ITK: variants seen among roughly 807,000 people sequenced by gnomAD.
The protein encoded by ITK is IL2 inducible T cell kinase.
In ITK, 45 loss-of-function variants were observed where a neutral mutation model predicts 87.6. The observed-to-expected ratio is 0.51, with a 90% CI of 0.40 to 0.66. ITK has a LOEUF of 0.66. Ranked by LOEUF, ITK falls within the 30% of genes least tolerant of loss-of-function variation. The probability of loss-of-function intolerance (pLI) is 0.00; values close to 1 mark genes in which losing one functional copy is unlikely to be tolerated. For synonymous variants in ITK, 303 were observed against 273.6 expected, an observed-to-expected ratio of 1.11 and a Z score of -1.06; for missense variants, 605 against 766.3, an observed-to-expected ratio of 0.79 and a Z score of 2.48.
At chr5:157,234,951 T>C (rs752714726) in intron 8 of ITK, among the ~76,000 whole-genome samples, 1 of 152,120 alleles carries the variant, frequency 6.6e-6, no homozygotes, top group Non-Finnish European at 1.5e-5. Flanking sequence ...AAAAAAGAGA[T>C]GAATTGATTC....
At chr5:157,230,012 A>G (rs1002429161) in intron 7 of ITK, among the ~76,000 whole-genome samples, 1 of 152,220 alleles carries the variant, frequency 6.6e-6, no homozygotes, top group African/African-American at 2.4e-5. Flanking sequence ...ATTTTTTGTT[A>G]TAATATACAT....
chr5:157,212,474 A>G (rs371491067), intron 3 of ITK, among the ~76,000 whole-genome samples: 1 of 152,230 alleles, frequency 6.6e-6, no homozygotes, highest in Non-Finnish European at 1.5e-5. Context: ...TGAATGGGGA[A>G]GTGCTCTCCG....
chr5:157,186,976 G>A (rs1036747543), intron 1 of ITK, among the ~76,000 whole-genome samples: 4 of 152,176 alleles, frequency 2.6e-5, no homozygotes, highest in Non-Finnish European at 5.9e-5. Context: ...TTGCCCTAAC[G>A]ATGGACACCA....
intron 13 of ITK, chr5:157,245,150 A>G (rs1235921303): frequency 1.7e-5 from 3 of 173,958 alleles, no homozygotes; most frequent in Non-Finnish European, 3.7e-5. Context: ...ACTTGAACCC[A>G]GGAGGCAGAG....
intron 1 of ITK, among the ~76,000 whole-genome samples, chr5:157,206,271 G>A (rs1271731632): frequency 6.6e-6 from 1 of 152,086 alleles, no homozygotes; most frequent in African/African-American, 2.4e-5. Flanking sequence ...GCTTTTCGAT[G>A]TGCTGCTGGA....
intron 4 of ITK, among the ~76,000 whole-genome samples, chr5:157,216,364 G>T (rs1231124252): frequency 6.6e-6 from 1 of 152,196 alleles, no homozygotes; most frequent in Non-Finnish European, 1.5e-5. Context: ...ATAATAGATA[G>T]CTATGTGTAA....
intron 4 of ITK, 38 bp downstream of exon 4, chr5:157,214,357 G>T (rs369155072): frequency 4.4e-6 from 7 of 1,586,592 alleles, no homozygotes; most frequent in Non-Finnish European, 6.1e-6. Context: ...TTTGTGAAAT[G>T]ACCATAAAAA....
intron 6 of ITK, among the ~76,000 whole-genome samples, chr5:157,227,064 C>A (rs1754546678): frequency 6.6e-6 from 1 of 152,184 alleles, no homozygotes; most frequent in South Asian, 2.1e-4. Flanking sequence ...AAGTGATCCA[C>A]CCACCTCAGC....
chr5:157,248,286 G>A (rs1161275957), intron 15 of ITK, among the ~76,000 whole-genome samples: 3 of 152,150 alleles, frequency 2.0e-5, no homozygotes, highest in African/African-American at 7.2e-5. Context: ...GGCAGAAGAG[G>A]AAAAGAAAGG....
intron 1 of ITK, among the ~76,000 whole-genome samples, chr5:157,184,926 G>A (rs1561644959): frequency 6.6e-6 from 1 of 152,138 alleles, no homozygotes; most frequent in Non-Finnish European, 1.5e-5. Context: ...TCATTTACAT[G>A]GAACAAGAGA....
rs187570925 is a variant in ITK, at chr5:157,242,764, T to C, written c.1061-859T>C. Among the ~76,000 whole-genome samples, 311 of 152,318 alleles carry C rather than the reference T, an allele frequency of 2.0e-3. 1 individual carries two copies. The highest frequency in any genetic ancestry group is 3.5e-3 in the Admixed American group (53 of 15,288). ...ATGAGCCACTGTGCCCAGCTGAGTCTACATTTTAAACAAGCATGCTAGGTG... is the reference window on the plus strand; with the variant it reads ...ATGAGCCACTGTGCCCAGCTGAGTCCACATTTTAAACAAGCATGCTAGGTG... On this transcript the variant is annotated intron_variant, in intron 11 of 16. Coordinates refer to ENST00000422843, the MANE Select transcript of ITK (RefSeq NM_005546.4).
At position 157,180,855 on chromosome 5, in the gene ITK, T is replaced by C; in HGVS notation, c.-123T>C. 1.1e-6 allele frequency: 1 copy of C among 877,168 alleles called. No homozygotes were observed. Among genetic ancestry groups the C allele is most frequent in the Non-Finnish European group, 1.9e-6 (1 of 537,178 alleles). The allele number at this position is 877,168 out of a possible 1,614,324, so 54.3% of individuals were successfully genotyped here. ...ATAGAAAGATAACGTTGAAGGCAAG[T>C]TGCCCTTGAGCAGCTCTCTGAAGAT... On this transcript the variant is annotated 5_prime_UTR_variant, in exon 1 of 17. Coordinates refer to ENST00000422843, the MANE Select transcript of ITK (RefSeq NM_005546.4).
intron 1 of ITK, among the ~76,000 whole-genome samples, chr5:157,194,794 G>A (rs1341399892): frequency 6.6e-6 from 1 of 152,048 alleles, no homozygotes; most frequent in East Asian, 1.9e-4. Flanking sequence ...TTGTTTATGT[G>A]GAAAAAATAA....
At chr5:157,246,037 G>A in intron 15 of ITK, 38 bp downstream of exon 15, 1 of 1,376,468 alleles carries the variant, frequency 7.3e-7, no homozygotes, top group Middle Eastern at 2.0e-4. Context: ...CCATGATCTG[G>A]GCTTCAGGCC....
intron 15 of ITK, among the ~76,000 whole-genome samples, chr5:157,246,393 G>C (rs1191306426): frequency 6.6e-6 from 1 of 152,164 alleles, no homozygotes; most frequent in African/African-American, 2.4e-5. Flanking sequence ...ACAATTAACT[G>C]ATCATCTATT....
At chr5:157,238,944 C>T (rs548084480) in intron 9 of ITK, among the ~76,000 whole-genome samples, 6 of 152,220 alleles carry the variant, frequency 3.9e-5, no homozygotes, top group African/African-American at 9.6e-5. Flanking sequence ...AAGGTGTCTT[C>T]GGAAAATTTT....
rs1199876568 is a variant in ITK at position 157,244,335 on chromosome 5, G to A, written c.1306G>A (p.Glu436Lys). 2 of 1,614,160 alleles carry A rather than the reference G, an allele frequency of 1.2e-6. No individual in the cohort carries two copies. Among genetic ancestry groups the A allele is most frequent in the Non-Finnish European group, 8.5e-7 (1 of 1,180,020 alleles). ...LEQAPICLVFEFMEHGCLSDY... is the reference protein window; with the variant it reads ...LEQAPICLVFKFMEHGCLSDY... ...GCAGGCCCCCATCTGCCTGGTGTTT[G>A]AGTTCATGGAGCACGGCTGCCTGTC... Residue 436 changes from glutamate to lysine, a missense_variant, in exon 13 of 17, where the codon GAG becomes AAG. Around this residue, in one of 3 missense-constraint regions of ITK, gnomAD observed 464 missense variants for 578.0 expected, o/e 0.80. Coordinates refer to ENST00000422843, the MANE Select transcript of ITK (RefSeq NM_005546.4).
intron 1 of ITK, among the ~76,000 whole-genome samples, chr5:157,203,415 T>C (rs246855): frequency 0.22 from 33,942 of 152,160 alleles, 4,505 homozygotes; most frequent in Admixed American, 0.3. Flanking sequence ...GGGCACTGGG[T>C]ATATGGGAAG....
chr5:157,213,162 G>A (rs545164002), intron 3 of ITK, among the ~76,000 whole-genome samples: 5 of 152,280 alleles, frequency 3.3e-5, no homozygotes, highest in South Asian at 4.1e-4. Flanking sequence ...TGAAGGGGAG[G>A]CAATCACCTT....
Sources: gnomAD v4.1 joint callset for allele counts (sites outside exome capture counted in the v4.1 genomes callset) on GRCh38, gnomAD v4.1.1 for gene constraint, gnomAD v4.1.1 regional missense constraint, MANE v1.5 for transcripts, NCBI Gene and HGNC (gene_info 2026-07-23, HGNC 2026-07-21) for gene names.